The following POLN variants were observed in gnomAD, a reference collection of about 807,000 sequenced individuals.
The protein encoded by POLN is DNA polymerase nu.
A neutral mutation model predicts 113.5 loss-of-function variants in POLN; 108 were observed. The observed-to-expected ratio is 0.95, with a 90% confidence interval of 0.81 to 1.12. The LOEUF (loss-of-function observed/expected upper bound fraction) is 1.12, where lower values mean the gene tolerates loss of function less well. POLN is among the 50% of genes most tolerant of loss of function. The pLI, the probability that POLN is intolerant of heterozygous loss-of-function variation, is 0.00. For missense variants in POLN, 1,097 were observed against 1,077.1 expected (o/e 1.02, Z -0.26); for synonymous variants, 386 against 391.5 (o/e 0.99, Z 0.17).
At chr4:2,211,053 C>T (rs1733981388) in intron 4 of POLN, among the ~76,000 whole-genome samples, 2 of 150,654 alleles carry the variant, frequency 1.3e-5, no homozygotes, top group East Asian at 1.9e-4. Flanking sequence ...GAGTTCGAGA[C>T]TAGCCTGGCC....
Position 2,241,501 on chromosome 4 carries a change from A to T in POLN, c.-13+19T>A. ...CAAATAAGCATGGCACATCTTCTGA[A>T]GATCAACTAAATATTTACCTCAACG... On this transcript the variant is annotated intron_variant, in intron 2 of 25. Transcript: ENST00000511885. The T allele has an allele frequency of 1.0e-6, 1 of 985,808 alleles. No individual in the cohort carries two copies. Among genetic ancestry groups the T allele is most frequent in the Non-Finnish European group, 1.2e-6 (1 of 830,176 alleles). 61.1% of individuals were successfully genotyped at this position (985,808 alleles called of 1,614,324 possible).
chr4:2,110,084 C>T (rs1731155112), intron 19 of POLN, among the ~76,000 whole-genome samples: 1 of 152,172 alleles, frequency 6.6e-6, no homozygotes, highest in Non-Finnish European at 1.5e-5. Context: ...GATTAAGAAA[C>T]TCACTCAAAA....
At chr4:2,237,004 AAC>A (rs147203664) in intron 2 of POLN, among the ~76,000 whole-genome samples, 1,884 of 152,094 alleles carry the variant, frequency 0.012, 12 homozygotes, top group Non-Finnish European at 0.021. Context: ...ACATTAGATA[AAC>A]AGTCTATTAC....
intron 16 of POLN, among the ~76,000 whole-genome samples, chr4:2,146,503 TCAA>T (rs968298885): frequency 9.2e-5 from 14 of 152,132 alleles, no homozygotes; most frequent in African/African-American, 2.9e-4. Flanking sequence ...AAACTCCATC[TCAA>T]CAACAACAAC....
At chr4:2,108,250 T>A (rs1338997454) in intron 19 of POLN, among the ~76,000 whole-genome samples, 4 of 152,186 alleles carry the variant, frequency 2.6e-5, no homozygotes, top group African/African-American at 9.7e-5. Flanking sequence ...AGAATCAGAC[T>A]GTATGGGTAA....
intron 12 of POLN, 135 bp downstream of exon 12, chr4:2,170,963 T>C (rs1458274685): frequency 6.7e-6 from 6 of 900,514 alleles, no homozygotes; most frequent in Non-Finnish European, 1.0e-5. Flanking sequence ...AATGTGTTCA[T>C]TACTTGTGAG....
chr4:2,104,930 T>C (rs1030975255), intron 19 of POLN, among the ~76,000 whole-genome samples: 3 of 152,126 alleles, frequency 2.0e-5, no homozygotes, highest in Admixed American at 2.0e-4. Context: ...CTGGCTCCCT[T>C]CAGAAGCGTG....
At chr4:2,072,869 T>C in intron 25 of POLN, 99 bp downstream of exon 25, 1 of 1,312,738 alleles carries the variant, frequency 7.6e-7, no homozygotes, top group Non-Finnish European at 1.1e-6. Context: ...ATCTCGGGGC[T>C]GGGGCTGCAC....
At chr4:2,117,019 CA>C (rs1179833104) in intron 19 of POLN, among the ~76,000 whole-genome samples, 1 of 152,214 alleles carries the variant, frequency 6.6e-6, no homozygotes, top group Non-Finnish European at 1.5e-5. Flanking sequence ...AAGTTATGCT[CA>C]AAGGCTTACA....
Position 2,129,259 on chromosome 4 carries a change from G to T in POLN, c.1790-3C>A, listed in dbSNP as rs1487858922. 12 of 1,574,602 alleles carry T rather than the reference G, an allele frequency of 7.6e-6. No homozygotes were observed. In the Admixed American group the frequency reaches 1.8e-4, roughly 24 times the overall value. ...CGTGAGAATCTTGTCTTCTTTACCT[G>T]AATTGTTATTTCAAGAGCATTTAGT... is the stretch of plus-strand genomic sequence containing the variant. On this transcript the variant is annotated splice_region_variant and splice_polypyrimidine_tract_variant and intron_variant, in intron 17 of 25. Coordinates refer to ENST00000511885, the MANE Select transcript of POLN (RefSeq NM_181808.4).
At chr4:2,183,888 C>CTTTT (rs34321496) in intron 7 of POLN, among the ~76,000 whole-genome samples, 1 of 147,176 alleles carries the variant, frequency 6.8e-6, no homozygotes, top group African/African-American at 2.5e-5. Context: ...TTCTTTTTTT[C>CTTTT]TTTTTTTTTT....
chr4:2,204,284 A>G (rs1733790283), intron 5 of POLN, among the ~76,000 whole-genome samples: 3 of 152,136 alleles, frequency 2.0e-5, no homozygotes, highest in African/African-American at 7.2e-5. Flanking sequence ...CACAAAAATG[A>G]AAAGATCACT....
intron 16 of POLN, among the ~76,000 whole-genome samples, chr4:2,139,279 C>T (rs1577717276): frequency 6.6e-6 from 1 of 152,322 alleles, no homozygotes; most frequent in Admixed American, 6.5e-5. Context: ...TTGGGGCCCG[C>T]AGCTCCCCTG....
chr4:2,237,166 A>T (rs1400362762), intron 2 of POLN, among the ~76,000 whole-genome samples: 5 of 152,082 alleles, frequency 3.3e-5, no homozygotes, highest in African/African-American at 1.2e-4. Flanking sequence ...AGTAGAAACA[A>T]CAGGCTATGG....
intron 19 of POLN, among the ~76,000 whole-genome samples, chr4:2,117,603 A>G (rs1249955910): frequency 6.6e-6 from 1 of 152,214 alleles, no homozygotes; most frequent in Admixed American, 6.5e-5. Context: ...GGGACAGGAC[A>G]GCCACAATAA....
chr4:2,080,357 C>G (rs1253142080), intron 23 of POLN: 1 of 928,730 alleles, frequency 1.1e-6, no homozygotes, highest in South Asian at 4.0e-5. Context: ...TGGGGGGCAG[C>G]CAGGGCGGAG....
intron 6 of POLN, among the ~76,000 whole-genome samples, chr4:2,197,072 G>C (rs1398494352): frequency 6.6e-6 from 1 of 152,214 alleles, no homozygotes; most frequent in Admixed American, 6.5e-5. Flanking sequence ...TAGGTCCTGT[G>C]GCTTTTCTAC....
At chr4:2,234,780 A>C (rs1400268824) in intron 2 of POLN, among the ~76,000 whole-genome samples, 2 of 152,222 alleles carry the variant, frequency 1.3e-5, no homozygotes, top group African/African-American at 4.8e-5. Flanking sequence ...ATTCACTGCA[A>C]TTTAAAACGA....
At chr4:2,161,627 G>A (rs563275713) in intron 13 of POLN, among the ~76,000 whole-genome samples, 57 of 152,260 alleles carry the variant, frequency 3.7e-4, no homozygotes, top group African/African-American at 1.3e-3. Flanking sequence ...CAGTCCCATC[G>A]ACCACCCAAA....
Sources: gnomAD v4.1 joint callset for allele counts (sites outside exome capture counted in the v4.1 genomes callset) on GRCh38, gnomAD v4.1.1 for gene constraint, MANE v1.5 for transcripts, NCBI Gene and HGNC (gene_info 2026-07-23, HGNC 2026-07-21) for gene names.